CAP2: variants seen among roughly 807,000 people sequenced by gnomAD.
CAP2 encodes the protein adenylyl cyclase-associated protein 2.
CAP2 carries 24 observed loss-of-function variants against 57.7 expected under a neutral mutation model. The observed-to-expected ratio is 0.42, with a 90% CI of 0.30 to 0.58. The LOEUF is 0.58. CAP2 is among the 20% of genes least tolerant of loss of function. The probability of loss-of-function intolerance (pLI) is 0.22; values close to 1 mark genes in which losing one functional copy is unlikely to be tolerated. For synonymous variants in CAP2, 194 were observed against 207.2 expected (o/e 0.94, Z 0.55); for missense variants, 501 against 590.3 (o/e 0.85, Z 1.57).
At position 17,463,146 on chromosome 6, in the gene CAP2, GA is replaced by G. The variant is rs1386793508; in HGVS notation, c.300+75del. 14 of 1,066,480 alleles carry G rather than the reference GA, an allele frequency of 1.3e-5. No homozygotes were observed. In the African/African-American group the frequency reaches 2.2e-4, roughly 17 times the overall value. 66.1% of individuals were successfully genotyped at this position (1,066,480 alleles called of 1,614,324 possible). A position where few individuals can be genotyped will look rare whatever the true frequency, so the allele number is the denominator to read the frequency against. Reference sequence around the variant, plus strand: ...TAAGATGGAAAACAAGGAGGCAACAGAAGCATTTATTATAGTCGACCTCCTA... The same window carrying G: ...TAAGATGGAAAACAAGGAGGCAACAGAGCATTTATTATAGTCGACCTCCTA... On this transcript the variant is annotated intron_variant, in intron 4 of 12. Coordinates refer to ENST00000229922, the MANE Select transcript of CAP2 (RefSeq NM_006366.3).
Position 17,551,611 on chromosome 6 carries a change from A to G in CAP2, c.1350+7A>G. The G allele has an allele frequency of 6.4e-7, 1 of 1,572,278 alleles. No individual in the cohort carries two copies. The highest frequency in any genetic ancestry group is 1.2e-5 in the South Asian group (1 of 84,312). On this transcript the variant is annotated splice_region_variant and intron_variant, in intron 12 of 12. Transcript: ENST00000229922. ...CCCTCAGGATGGTGATTATGTAAGT[A>G]CCTTTCAAAAGGCTGTCAAGAATTT...
chr6:17,443,714 T>G (rs571346951), intron 3 of CAP2, among the ~76,000 whole-genome samples: 2 of 152,352 alleles, frequency 1.3e-5, no homozygotes, highest in African/African-American at 4.8e-5. Context: ...ATCACTCTGA[T>G]TCTAGGGAAT....
chr6:17,414,619 G>A (rs2113522807), intron 1 of CAP2, among the ~76,000 whole-genome samples: 1 of 152,288 alleles, frequency 6.6e-6, no homozygotes, highest in East Asian at 1.9e-4. Flanking sequence ...ATTCCATGGT[G>A]TATATGTACC....
chr6:17,479,982 G>A (rs1286004317), intron 4 of CAP2, among the ~76,000 whole-genome samples: 1 of 151,886 alleles, frequency 6.6e-6, no homozygotes, highest in African/African-American at 2.4e-5. Flanking sequence ...GAAAAGAGAA[G>A]AAAAACAATC....
At chr6:17,422,589 T>C (rs1581504362) in intron 2 of CAP2, among the ~76,000 whole-genome samples, 1 of 152,148 alleles carries the variant, frequency 6.6e-6, no homozygotes, top group African/African-American at 2.4e-5. Flanking sequence ...GACCTCGTGA[T>C]CCGCCTGCCT....
At chr6:17,427,309 G>A (rs1024770861) in intron 3 of CAP2, among the ~76,000 whole-genome samples, 1 of 152,142 alleles carries the variant, frequency 6.6e-6, no homozygotes. Context: ...TGAGGGACTC[G>A]GCTCTCCTTC....
intron 3 of CAP2, among the ~76,000 whole-genome samples, chr6:17,450,334 G>A (rs1416842692): frequency 1.3e-5 from 2 of 152,192 alleles, no homozygotes; most frequent in Non-Finnish European, 2.9e-5. Context: ...ACAGGCGTGA[G>A]CCACCACGCC....
chr6:17,451,606 T>A (rs1425796814), intron 3 of CAP2, among the ~76,000 whole-genome samples: 1 of 151,384 alleles, frequency 6.6e-6, no homozygotes, highest in Non-Finnish European at 1.5e-5. Context: ...GCCTCCCGGG[T>A]TCAAGCGATT....
At chr6:17,508,301 G>A (rs1023384529) in intron 6 of CAP2, among the ~76,000 whole-genome samples, 9 of 152,210 alleles carry the variant, frequency 5.9e-5, no homozygotes, top group Non-Finnish European at 1.0e-4. Flanking sequence ...GTGAACCAGC[G>A]TGAAAGGACC....
At chr6:17,431,249 G>A (rs1253991902) in intron 3 of CAP2, among the ~76,000 whole-genome samples, 1 of 151,834 alleles carries the variant, frequency 6.6e-6, no homozygotes, top group African/African-American at 2.4e-5. Context: ...AAACCTCCGC[G>A]ACACAAAATT....
intron 3 of CAP2, among the ~76,000 whole-genome samples, chr6:17,445,819 A>G (rs1179426554): frequency 6.6e-6 from 1 of 152,198 alleles, no homozygotes; most frequent in East Asian, 1.9e-4. Flanking sequence ...CCCATAGACC[A>G]TGGGTGGTTG....
At chr6:17,421,257 G>A (rs1314680831) in intron 1 of CAP2, among the ~76,000 whole-genome samples, 1 of 152,084 alleles carries the variant, frequency 6.6e-6, no homozygotes, top group Admixed American at 6.6e-5. Flanking sequence ...AGGGGGATGA[G>A]GGACAAAAGA....
chr6:17,434,235 C>T (rs866579808), intron 3 of CAP2, among the ~76,000 whole-genome samples: 4,314 of 139,046 alleles, frequency 0.031, 197 homozygotes, highest in African/African-American at 0.1. Flanking sequence ...TTTTTTCTTT[C>T]TTTTTTTTTT....
intron 7 of CAP2, among the ~76,000 whole-genome samples, chr6:17,516,940 T>G (rs4716147): frequency 0.34 from 51,641 of 151,010 alleles, 10,743 homozygotes; most frequent in Non-Finnish European, 0.46. Flanking sequence ...AAGCGGATTG[T>G]TTTTTTTTTC....
At chr6:17,404,415 C>A (rs1239252161) in intron 1 of CAP2, among the ~76,000 whole-genome samples, 1 of 152,142 alleles carries the variant, frequency 6.6e-6, no homozygotes, top group Admixed American at 6.5e-5. Context: ...ACCATCCTGG[C>A]TAACACGGTG....
chr6:17,404,291 T>G (rs1758890874), intron 1 of CAP2, among the ~76,000 whole-genome samples: 1 of 151,974 alleles, frequency 6.6e-6, no homozygotes, highest in African/African-American at 2.4e-5. Flanking sequence ...GCCAACATAG[T>G]AAAACTCTAT....
intron 7 of CAP2, among the ~76,000 whole-genome samples, chr6:17,520,813 A>G (rs574794564): frequency 2.0e-5 from 3 of 152,316 alleles, no homozygotes; most frequent in East Asian, 3.9e-4. Flanking sequence ...CTTGCTATTT[A>G]CAAGAGAAAA....
At position 17,499,398 on chromosome 6, in the gene CAP2, CA is replaced by C. The variant is rs71002217; in HGVS notation, c.301-7749del. Among the ~76,000 whole-genome samples the C allele has an allele frequency of 5.7e-3, 398 of 69,546 alleles. 1 individual carries two copies. The East Asian group carries it at 0.064, about 11-fold the overall frequency. The allele number at this position is 69,546 out of a possible 152,430, so 45.6% of individuals were successfully genotyped here. A position where few individuals can be genotyped will look rare whatever the true frequency, so the allele number is the denominator to read the frequency against. Reference sequence around the variant, plus strand: ...TGGGTGACAGAGCAAGACTCCATCTCAAAAAAAAAAAAAAAAAAAAAATTAA... The same window carrying C: ...TGGGTGACAGAGCAAGACTCCATCTCAAAAAAAAAAAAAAAAAAAAATTAA... On this transcript the variant is annotated intron_variant, in intron 4 of 12. Coordinates refer to ENST00000229922, the MANE Select transcript of CAP2 (RefSeq NM_006366.3).
At chr6:17,483,815 C>G (rs1761356821) in intron 4 of CAP2, among the ~76,000 whole-genome samples, 1 of 152,046 alleles carries the variant, frequency 6.6e-6, no homozygotes, top group Admixed American at 6.5e-5. Flanking sequence ...GGGTTGTTTT[C>G]ACACCAGGAG....
Sources: gnomAD v4.1 joint callset for allele counts (sites outside exome capture counted in the v4.1 genomes callset) on GRCh38, gnomAD v4.1.1 for gene constraint, MANE v1.5 for transcripts, NCBI Gene and HGNC (gene_info 2026-07-23, HGNC 2026-07-21) for gene names.